CCDC30: variants seen among roughly 807,000 people sequenced by gnomAD.
CCDC30 encodes the protein coiled-coil domain containing 30.
Under a neutral mutation model 100.2 loss-of-function variants are expected in CCDC30, and 70 were observed. That is an observed-to-expected ratio of 0.70 (90% CI 0.58 to 0.85). The LOEUF (loss-of-function observed/expected upper bound fraction) is 0.85, where lower values mean the gene tolerates loss of function less well. Among genes scored for constraint, CCDC30 ranks in the 40% least tolerant of loss-of-function variants. The probability of loss-of-function intolerance (pLI) is 0.00; values close to 1 mark genes in which losing one functional copy is unlikely to be tolerated. For synonymous variants in CCDC30, 233 were observed against 269.5 expected (o/e 0.86, Z 1.33); for missense variants, 652 against 771.2 (o/e 0.85, Z 1.83).
At chr1:42,632,392 G>T (rs991203300) in intron 11 of CCDC30, among the ~76,000 whole-genome samples, 2 of 152,012 alleles carry the variant, frequency 1.3e-5, no homozygotes, top group Admixed American at 1.3e-4. Context: ...GCTTGAACCT[G>T]CGAGGTGGAG....
intron 6 of CCDC30, among the ~76,000 whole-genome samples, chr1:42,557,713 A>ATTTTATT (rs1253901209): frequency 6.8e-6 from 1 of 147,672 alleles, no homozygotes; most frequent in Non-Finnish European, 1.5e-5. Context: ...TAAATAAAAT[A>ATTTTATT]TGTAAATAAT....
exon 1 of CCDC30, chr1:42,463,876 T>A (rs1643484162): frequency 6.6e-6 from 1 of 152,216 alleles, no homozygotes; most frequent in African/African-American, 2.4e-5. Flanking sequence ...GCCTTTTGTA[T>A]CCTCAACATC....
intron 6 of CCDC30, among the ~76,000 whole-genome samples, chr1:42,526,829 T>C (rs970837719): frequency 6.6e-6 from 1 of 152,194 alleles, no homozygotes; most frequent in Non-Finnish European, 1.5e-5. Flanking sequence ...TAGTTTGTCT[T>C]ATAGAATGAA....
chr1:42,541,945 C>T (rs370593611), intron 6 of CCDC30, among the ~76,000 whole-genome samples: 6 of 152,320 alleles, frequency 3.9e-5, no homozygotes, highest in Admixed American at 6.5e-5. Flanking sequence ...TCAGTTTACA[C>T]ATAAGAACAC....
intron 6 of CCDC30, among the ~76,000 whole-genome samples, chr1:42,560,192 A>G (rs900133143): frequency 1.3e-5 from 2 of 152,206 alleles, no homozygotes; most frequent in African/African-American, 4.8e-5. Context: ...AGAAGGCTAG[A>G]AAGATCTCAA....
At chr1:42,654,182 A>G (rs1570366756), downstream of CCDC30, 1 of 625,836 alleles carries the variant, frequency 1.6e-6, no homozygotes, top group East Asian at 2.8e-5. Context: ...AAGCAGTTGT[A>G]AAAATGGATT....
intron 6 of CCDC30, among the ~76,000 whole-genome samples, chr1:42,557,389 G>A (rs918331276): frequency 9.9e-5 from 15 of 152,040 alleles, no homozygotes; most frequent in African/African-American, 3.6e-4. Flanking sequence ...TTTAAGAAGA[G>A]ATTACTTTTA....
At chr1:42,520,106 T>A (rs1296890418) in intron 6 of CCDC30, among the ~76,000 whole-genome samples, 1 of 152,100 alleles carries the variant, frequency 6.6e-6, no homozygotes, top group Non-Finnish European at 1.5e-5. Context: ...TGTCTTTCAT[T>A]TATCTCTTTT....
intron 9 of CCDC30, among the ~76,000 whole-genome samples, chr1:42,581,857 A>C (rs1645974384): frequency 6.6e-6 from 1 of 152,160 alleles, no homozygotes; most frequent in Non-Finnish European, 1.5e-5. Context: ...AATTCAAACT[A>C]CAATGAAGTT....
At chr1:42,482,588 A>G in intron 2 of CCDC30, 75 bp from the exon 3 acceptor site, 1 of 963,898 alleles carries the variant, frequency 1.0e-6, no homozygotes, top group Non-Finnish European at 1.3e-6. Flanking sequence ...GCTTTTAAAC[A>G]TTAATAGAAA....
At chr1:42,462,979 A>T (rs927343738), upstream of CCDC30, among the ~76,000 whole-genome samples, 2 of 152,254 alleles carry the variant, frequency 1.3e-5, no homozygotes, top group Non-Finnish European at 2.9e-5. Context: ...ATCCAAGGTT[A>T]GTAGGCAGGG....
At chr1:42,538,881 T>A (rs1644959649) in intron 6 of CCDC30, among the ~76,000 whole-genome samples, 1 of 152,210 alleles carries the variant, frequency 6.6e-6, no homozygotes, top group Admixed American at 6.5e-5. Context: ...GCCAAAGAAT[T>A]TACCTGTATA....
At chr1:42,526,655 ATT>A (rs1000523154) in intron 6 of CCDC30, among the ~76,000 whole-genome samples, 2 of 151,922 alleles carry the variant, frequency 1.3e-5, no homozygotes, top group African/African-American at 2.4e-5. Context: ...TTTAAAATCA[ATT>A]TTTTTTATTT....
intron 4 of CCDC30, among the ~76,000 whole-genome samples, chr1:42,491,189 T>C (rs1379739880): frequency 1.3e-5 from 2 of 152,160 alleles, no homozygotes; most frequent in African/African-American, 4.8e-5. Context: ...TCAGTAAGGA[T>C]ATAAAAGTCC....
chr1:42,456,916 C>G, the CCDC30 span: 1 of 1,610,604 alleles, frequency 6.2e-7, no homozygotes, highest in Non-Finnish European at 8.5e-7. Flanking sequence ...GCTTGCTGAG[C>G]CTGGAGGCCG....
rs536861672 is a variant in CCDC30 at position 42,564,418 on chromosome 1, T to C, written c.457-1878T>C. Among the ~76,000 whole-genome samples, 4 of 152,226 alleles carry C rather than the reference T, an allele frequency of 2.6e-5. No homozygotes were observed. The East Asian group carries it at 7.7e-4, about 29-fold the overall frequency. On this transcript the variant is annotated intron_variant, in intron 6 of 16. Transcript: ENST00000668663. ...ACCTCCACTTCCTGGGTTCAAGCAA[T>C]TCTCATGCCTCAGCCTCCCAAGTAG...
chr1:42,487,062 A>C (rs1332840474), intron 3 of CCDC30, among the ~76,000 whole-genome samples: 2 of 149,168 alleles, frequency 1.3e-5, no homozygotes, highest in East Asian at 4.0e-4. Flanking sequence ...AGAATCACCT[A>C]GCCTATGAGT....
chr1:42,604,277 G>A (rs1204904283), intron 10 of CCDC30, among the ~76,000 whole-genome samples: 1 of 152,188 alleles, frequency 6.6e-6, no homozygotes, highest in Non-Finnish European at 1.5e-5. Context: ...GCATTTGAGA[G>A]TGAGATTCTG....
At chr1:42,621,873 G>T (rs762396145) in intron 11 of CCDC30, among the ~76,000 whole-genome samples, 2 of 151,772 alleles carry the variant, frequency 1.3e-5, no homozygotes, top group Non-Finnish European at 2.9e-5. Context: ...TCTCGAACCT[G>T]TGTGCTCAAG....
Sources: gnomAD v4.1 joint callset for allele counts (sites outside exome capture counted in the v4.1 genomes callset) on GRCh38, gnomAD v4.1.1 for gene constraint, MANE v1.5 for transcripts, NCBI Gene and HGNC (gene_info 2026-07-23, HGNC 2026-07-21) for gene names.